The following DNAAF5 variants were observed in gnomAD, a reference collection of about 807,000 sequenced individuals.
DNAAF5 encodes the protein dynein axonemal assembly factor 5.
A neutral mutation model predicts 75.8 loss-of-function variants in DNAAF5; 64 were observed. The ratio of observed to expected loss-of-function variants is 0.84; its 90% CI spans 0.69 to 1.04. The LOEUF (loss-of-function observed/expected upper bound fraction) is 1.04. Among genes scored for constraint, DNAAF5 ranks in the 50% least tolerant of loss-of-function variants. The probability of loss-of-function intolerance (pLI) is 0.00; values close to 1 mark genes in which losing one functional copy is unlikely to be tolerated. For missense variants in DNAAF5, 1,269 were observed against 1,178.5 expected, an observed-to-expected ratio of 1.08 and a Z score of -1.12; for synonymous variants, 657 against 557.2, an observed-to-expected ratio of 1.18 and a Z score of -2.52.
Position 785,536 on chromosome 7 carries a change from C to A in DNAAF5, c.2451C>A (p.Ser817Arg), listed in dbSNP as rs142621969. ...TTACAGAGGTCCTCAAAGAGGGCAGCGGGCTGTTCCCAGATCTCCTGGTGA... is the reference window on the plus strand; with the variant it reads ...TTACAGAGGTCCTCAAAGAGGGCAGAGGGCTGTTCCCAGATCTCCTGGTGA... ...DAILEVLKEG[S>R]GLFPDLLVRE... is the part of the protein sequence containing the mutation. Residue 817 changes from serine (S) to arginine (R), a missense_variant, in exon 13 of 13, where the codon AGC becomes AGA. Ser to Arg is a moderately radical substitution (Grantham distance 110). Coordinates refer to ENST00000297440, the MANE Select transcript of DNAAF5 (RefSeq NM_017802.4). 184 of 1,613,634 alleles carry A rather than the reference C, an allele frequency of 1.1e-4. No homozygotes were observed. Among genetic ancestry groups the A allele is most frequent in the Non-Finnish European group, 1.5e-4 (180 of 1,179,996 alleles).
At chr7:763,309 C>G (rs1782723794) in intron 7 of DNAAF5, among the ~76,000 whole-genome samples, 1 of 152,212 alleles carries the variant, frequency 6.6e-6, no homozygotes, top group African/African-American at 2.4e-5. Flanking sequence ...CGGGGAGCCT[C>G]AGCCCTTCCT....
At chr7:773,690 C>T (rs917357137) in intron 9 of DNAAF5, among the ~76,000 whole-genome samples, 9 of 152,186 alleles carry the variant, frequency 5.9e-5, no homozygotes, top group Non-Finnish European at 1.0e-4. Flanking sequence ...CCGACACCAC[C>T]GCACCTGCCC....
intron 6 of DNAAF5, among the ~76,000 whole-genome samples, chr7:757,770 G>A (rs1782531555): frequency 6.6e-6 from 1 of 152,236 alleles, no homozygotes; most frequent in African/African-American, 2.4e-5. Context: ...CTGGGACACA[G>A]GGCTGCCCCC....
chr7:782,784 C>T (rs1191330665), intron 12 of DNAAF5, among the ~76,000 whole-genome samples: 1 of 151,084 alleles, frequency 6.6e-6, no homozygotes, highest in African/African-American at 2.4e-5. Flanking sequence ...GGCCGCCTCC[C>T]GTCACGCAGC....
chr7:782,251 T>A (rs550548536), intron 12 of DNAAF5, among the ~76,000 whole-genome samples: 38 of 149,374 alleles, frequency 2.5e-4, no homozygotes, highest in Non-Finnish European at 4.0e-4. Flanking sequence ...AACTCGGATC[T>A]TCGCGGCGTG....
intron 12 of DNAAF5, among the ~76,000 whole-genome samples, chr7:783,117 G>A (rs1449332052): frequency 6.6e-6 from 1 of 152,248 alleles, no homozygotes; most frequent in Non-Finnish European, 1.5e-5. Context: ...GGTTGTTCTG[G>A]GAGTGAGGGA....
chr7:732,121 C>A (rs1325927676), intron 2 of DNAAF5, among the ~76,000 whole-genome samples: 1 of 152,242 alleles, frequency 6.6e-6, no homozygotes, highest in Non-Finnish European at 1.5e-5. Context: ...TCAGGTAGCA[C>A]AGCCAGGTGA....
chr7:729,058 G>A (rs1170632288), intron 1 of DNAAF5, among the ~76,000 whole-genome samples: 1 of 151,536 alleles, frequency 6.6e-6, no homozygotes, highest in African/African-American at 2.4e-5. Flanking sequence ...GTGCAGTGGG[G>A]CGATCTCAGC....
Position 776,507 on chromosome 7 carries a change from G to A in DNAAF5, c.2239+1345G>A, listed in dbSNP as rs181434969. ...GGGTGACAAGGCTCAGCTTCCACGCGGCCGGGAAGGGGGACCTCAGGGTGG... is the reference window on the plus strand; with the variant it reads ...GGGTGACAAGGCTCAGCTTCCACGCAGCCGGGAAGGGGGACCTCAGGGTGG... On this transcript the variant is annotated intron_variant, in intron 11 of 12. Coordinates refer to ENST00000297440, the MANE Select transcript of DNAAF5 (RefSeq NM_017802.4). Among the ~76,000 whole-genome samples the A allele has an allele frequency of 4.5e-3, 690 of 152,046 alleles. 3 individuals are homozygous for A. Among genetic ancestry groups the A allele is most frequent in the African/African-American group, 0.016 (650 of 41,466 alleles).
chr7:753,776 GTC>G (rs371558102), intron 4 of DNAAF5, among the ~76,000 whole-genome samples: 45 of 142,184 alleles, frequency 3.2e-4, no homozygotes, highest in South Asian at 4.5e-4. Flanking sequence ...TCGCAGGCGT[GTC>G]TCTCTCATCA....
chr7:750,541 G>A (rs1782261630), intron 4 of DNAAF5, among the ~76,000 whole-genome samples: 1 of 152,166 alleles, frequency 6.6e-6, no homozygotes, highest in Non-Finnish European at 1.5e-5. Flanking sequence ...TAAGGAGCAC[G>A]TAACCCAGGT....
chr7:729,749 A>G lies in DNAAF5; in HGVS notation c.682A>G (p.Ile228Val). 1 of 1,614,144 alleles carries G rather than the reference A, an allele frequency of 6.2e-7. No individual in the cohort carries two copies. The highest frequency in any genetic ancestry group is 8.5e-7 in the Non-Finnish European group (1 of 1,180,022). ...HQHWKVRVAAIEATGAVIHFG... is the reference protein window; with the variant it reads ...HQHWKVRVAAVEATGAVIHFG... The stretch of plus-strand genomic sequence containing the variant: ...GCACTGGAAGGTCCGTGTGGCCGCC[A>G]TTGAAGCCACAGGCGCAGTGATCCA... The change falls in exon 2 of 13, where the codon ATT becomes GTT. Residue 228 changes from isoleucine (I) to valine (V), a missense_variant. By Grantham distance (29) the Ile-to-Val change is conservative. Transcript: ENST00000297440.
At chr7:778,920 C>T (rs1778849665) in intron 11 of DNAAF5, among the ~76,000 whole-genome samples, 1 of 152,278 alleles carries the variant, frequency 6.6e-6, no homozygotes, top group Non-Finnish European at 1.5e-5. Context: ...AGGGCTGCTT[C>T]AGGGTTTGGC....
At chr7:755,174 G>A (rs1363169941) in intron 5 of DNAAF5, among the ~76,000 whole-genome samples, 3 of 152,216 alleles carry the variant, frequency 2.0e-5, no homozygotes, top group Non-Finnish European at 4.4e-5. Context: ...ATTGACATCT[G>A]GACTGTCCTG....
intron 12 of DNAAF5, among the ~76,000 whole-genome samples, chr7:783,090 C>A (rs1039138916): frequency 1.4e-4 from 21 of 152,228 alleles, no homozygotes; most frequent in Non-Finnish European, 2.9e-4. Context: ...CTTGTATCCT[C>A]GGCCACAAAC....
At chr7:774,336 C>CT in intron 10 of DNAAF5, 138 bp downstream of exon 10, 1 of 918,072 alleles carries the variant, frequency 1.1e-6, no homozygotes, top group Non-Finnish European at 1.6e-6. Flanking sequence ...CCAAGAGGCT[C>CT]TCCCCACACT....
chr7:745,396 A>G (rs1782053956), intron 4 of DNAAF5, among the ~76,000 whole-genome samples: 1 of 151,888 alleles, frequency 6.6e-6, no homozygotes, highest in African/African-American at 2.4e-5. Context: ...GGAATGCGGT[A>G]AGGGAGAAGA....
At chr7:733,846 G>A (rs1472816816) in intron 2 of DNAAF5, among the ~76,000 whole-genome samples, 1 of 152,012 alleles carries the variant, frequency 6.6e-6, no homozygotes, top group African/African-American at 2.4e-5. Context: ...TTAATTCCTA[G>A]GTATCTTATT....
intron 7 of DNAAF5, among the ~76,000 whole-genome samples, chr7:763,591 T>C (rs1310550241): frequency 6.6e-6 from 1 of 152,146 alleles, no homozygotes; most frequent in Non-Finnish European, 1.5e-5. Context: ...AGAGACGGCG[T>C]TGGTGTGAAC....
Sources: allele counts gnomAD v4.1 joint callset (sites outside exome capture counted in the v4.1 genomes callset), GRCh38; gene constraint gnomAD v4.1.1; transcripts MANE v1.5; gene names NCBI Gene and HGNC (gene_info 2026-07-23, HGNC 2026-07-21).